The following CSMD2 variants were observed in gnomAD, a reference collection of about 807,000 sequenced individuals.
CSMD2 encodes the protein CUB and sushi domain-containing protein 2.
Under a neutral mutation model 398.5 loss-of-function variants are expected in CSMD2, and 130 were observed. That is an observed-to-expected ratio of 0.33 (90% CI 0.28 to 0.38). CSMD2 has a LOEUF of 0.38. Among genes scored for constraint, CSMD2 ranks in the 10% least tolerant of loss-of-function variants. CSMD2 has a pLI of 1.00. For synonymous variants in CSMD2, 1,828 were observed against 1,908.5 expected, an observed-to-expected ratio of 0.96 and a Z score of 1.10; for missense variants, 3,829 against 4,764.9, an observed-to-expected ratio of 0.80 and a Z score of 5.78.
chr1:33,544,997 C>G (rs1656740260), intron 57 of CSMD2, among the ~76,000 whole-genome samples: 1 of 152,104 alleles, frequency 6.6e-6, no homozygotes. Flanking sequence ...TGAGCTTGAA[C>G]AAAAACATGG....
At chr1:34,062,403 CT>C (rs1461057096) in intron 2 of CSMD2, among the ~76,000 whole-genome samples, 13 of 152,192 alleles carry the variant, frequency 8.5e-5, no homozygotes, top group Non-Finnish European at 2.9e-5. Flanking sequence ...TAGCTTATAC[CT>C]TCTGACAGTC....
At chr1:34,070,472 T>C (rs1314057858) in intron 2 of CSMD2, among the ~76,000 whole-genome samples, 1 of 152,178 alleles carries the variant, frequency 6.6e-6, no homozygotes, top group Non-Finnish European at 1.5e-5. Context: ...GCATAGGGCT[T>C]ATGAGCCATT....
At chr1:34,083,398 A>G (rs1366188273) in intron 2 of CSMD2, among the ~76,000 whole-genome samples, 1 of 152,220 alleles carries the variant, frequency 6.6e-6, no homozygotes, top group Non-Finnish European at 1.5e-5. Context: ...TTGTAAATTA[A>G]TTATGAGTGG....
chr1:33,703,305 T>G (rs1249842032), intron 22 of CSMD2, among the ~76,000 whole-genome samples: 1 of 152,242 alleles, frequency 6.6e-6, no homozygotes, highest in East Asian at 1.9e-4. Context: ...CTATGTGATA[T>G]TGAGTCTTCC....
intron 46 of CSMD2, among the ~76,000 whole-genome samples, chr1:33,584,281 T>C (rs1396217872): frequency 1.3e-5 from 2 of 152,222 alleles, no homozygotes; most frequent in African/African-American, 4.8e-5. Flanking sequence ...TTACTAATGG[T>C]GTGGTCTTGA....
At chr1:34,116,773 A>G (rs934841827) in intron 1 of CSMD2, among the ~76,000 whole-genome samples, 12 of 152,156 alleles carry the variant, frequency 7.9e-5, no homozygotes, top group African/African-American at 2.9e-4. Flanking sequence ...ATTCAAGAAG[A>G]TTAAAATCAT....
chr1:34,035,504 C>T (rs1197216408), intron 2 of CSMD2, among the ~76,000 whole-genome samples: 1 of 151,996 alleles, frequency 6.6e-6, no homozygotes, highest in Non-Finnish European at 1.5e-5. Flanking sequence ...TATTTTTACA[C>T]CATAACCAAG....
intron 48 of CSMD2, among the ~76,000 whole-genome samples, chr1:33,578,804 C>T (rs1375726695): frequency 6.6e-6 from 1 of 152,120 alleles, no homozygotes; most frequent in East Asian, 1.9e-4. Context: ...TACAGCCACC[C>T]CTGGTGAGGT....
In CSMD2 at chr1:34,136,903, C is replaced by A. The variant is rs1334392542; in HGVS notation, c.187+28008G>T. Among the ~76,000 whole-genome samples the A allele has an allele frequency of 2.0e-5, 3 of 152,096 alleles. No homozygotes were observed. The East Asian group carries it at 5.8e-4, about 29-fold the overall frequency. On this transcript the variant is annotated intron_variant, in intron 1 of 70. Transcript: ENST00000373381. ...TTTCATGGCTATAATCTCTATCAAGCCAATCCTGCCATCCATGCATTCACC... is the reference window on the plus strand; with the variant it reads ...TTTCATGGCTATAATCTCTATCAAGACAATCCTGCCATCCATGCATTCACC...
chr1:33,778,790 G>A (rs898062666), intron 12 of CSMD2, among the ~76,000 whole-genome samples: 1 of 152,152 alleles, frequency 6.6e-6, no homozygotes, highest in Non-Finnish European at 1.5e-5. Context: ...CACATGACTT[G>A]GGTGATAGCA....
At chr1:34,054,150 T>C (rs549769283) in intron 2 of CSMD2, among the ~76,000 whole-genome samples, 8 of 152,256 alleles carry the variant, frequency 5.3e-5, no homozygotes, top group Non-Finnish European at 8.8e-5. Flanking sequence ...AGCTGTAGAC[T>C]TTATCTGGAT....
chr1:33,582,559 C>T (rs1389582040), intron 47 of CSMD2, among the ~76,000 whole-genome samples: 2 of 152,124 alleles, frequency 1.3e-5, no homozygotes, highest in South Asian at 2.1e-4. Context: ...TTGTTCCTAC[C>T]GTTCTTCCCC....
chr1:33,972,138 T>C (rs1184834177), intron 3 of CSMD2, among the ~76,000 whole-genome samples: 1 of 152,044 alleles, frequency 6.6e-6, no homozygotes, highest in East Asian at 1.9e-4. Context: ...TGGGGACTTC[T>C]GGACAGCAGA....
At chr1:33,568,215 T>A (rs1390576536) in intron 52 of CSMD2, among the ~76,000 whole-genome samples, 1 of 134,302 alleles carries the variant, frequency 7.4e-6, no homozygotes, top group Admixed American at 8.0e-5. Context: ...TGAGACAAGA[T>A]CTTGCTCTGT....
intron 22 of CSMD2, among the ~76,000 whole-genome samples, chr1:33,705,634 C>A (rs1445755359): frequency 6.6e-6 from 1 of 151,202 alleles, no homozygotes; most frequent in Non-Finnish European, 1.5e-5. Flanking sequence ...TTTTAATGGT[C>A]ATTGTTTTTT....
chr1:33,847,710 G>A (rs1638373074), intron 5 of CSMD2, among the ~76,000 whole-genome samples: 1 of 152,116 alleles, frequency 6.6e-6, no homozygotes, highest in African/African-American at 2.4e-5. Context: ...CTCAAAGGGG[G>A]CAATGTGGCC....
At chr1:34,165,649 GGCACATACAC>G, upstream of CSMD2, 2 of 1,076,526 alleles carry the variant, frequency 1.9e-6, no homozygotes, top group Non-Finnish European at 2.8e-6. Context: ...CACACACACA[GGCACATACAC>G]GCACACCTCT....
chr1:33,739,376 A>G, intron 14 of CSMD2, 42 bp from the exon 15 acceptor site: 1 of 1,536,840 alleles, frequency 6.5e-7, no homozygotes, highest in South Asian at 1.2e-5. Flanking sequence ...ACATTGCTGG[A>G]GTAGAGAAGA....
Position 33,918,271 on chromosome 1 carries a change from C to T in CSMD2, c.743G>A (p.Gly248Asp). The change falls in exon 5 of 71, where the codon GGC becomes GAC. Residue 248 changes from glycine (G) to aspartate (D), a missense_variant. Physicochemically the swap from Gly to Asp is moderately conservative, Grantham distance 94 (BLOSUM62 -1). Around this residue, in one of 5 missense-constraint regions of CSMD2, gnomAD observed 2,001 missense variants for 2,567.1 expected, o/e 0.78. Transcript: ENST00000373381. The part of the protein sequence containing the change: ...ADDACGGTLR[G>D]QSGIISSPHF... ...GGGGCTGGAGATGATGCCACTCTGG[C>T]CCCGCAGGGTCCCACCACAGGCATC... 2 of 1,613,986 alleles carry T rather than the reference C, an allele frequency of 1.2e-6. No homozygotes were observed. Among genetic ancestry groups the T allele is most frequent in the East Asian group, 2.2e-5 (1 of 44,880 alleles).
Sources: gnomAD v4.1 joint callset for allele counts (sites outside exome capture counted in the v4.1 genomes callset) on GRCh38, gnomAD v4.1.1 for gene constraint, gnomAD v4.1.1 regional missense constraint, MANE v1.5 for transcripts, NCBI Gene and HGNC (gene_info 2026-07-23, HGNC 2026-07-21) for gene names.